Variants in GCNT2 observed in about 807,000 individuals in gnomAD.
GCNT2 encodes the protein N-acetyllactosaminide beta-1,6-N-acetylglucosaminyl-transferase.
Under a neutral mutation model 34.2 loss-of-function variants are expected in GCNT2, and 34 were observed. The ratio of observed to expected loss-of-function variants is 1.00; its 90% CI spans 0.76 to 1.32. The LOEUF (loss-of-function observed/expected upper bound fraction) is 1.32. GCNT2 is among the 40% of genes most tolerant of loss of function. The pLI is 0.00. For missense variants in GCNT2, 584 were observed against 489.4 expected (o/e 1.19, Z -1.82); for synonymous variants, 212 against 188.0 (o/e 1.13, Z -1.04).
At chr6:10,556,716 T>C in intron 3 of GCNT2, 3 of 1,614,224 alleles carry the variant, frequency 1.9e-6, no homozygotes, top group Non-Finnish European at 8.5e-7. Flanking sequence ...TTGGCATATA[T>C]AATGGTCATC....
intron 1 of GCNT2, among the ~76,000 whole-genome samples, chr6:10,525,642 TTC>T (rs1378624555): frequency 3.9e-5 from 6 of 152,202 alleles, no homozygotes; most frequent in Non-Finnish European, 7.4e-5. Flanking sequence ...TTCATATTAA[TTC>T]TTTTTTTAAA....
intron 3 of GCNT2, among the ~76,000 whole-genome samples, chr6:10,588,891 G>GTGTGTGTT (rs1491191814): frequency 8.6e-4 from 22 of 25,690 alleles, no homozygotes; most frequent in African/African-American, 2.8e-3. Context: ...TGTTTGTAGC[G>GTGTGTGTT]TGTGTGTTGT....
chr6:10,559,089 T>TA (rs1762849214), intron 3 of GCNT2, among the ~76,000 whole-genome samples: 1 of 151,098 alleles, frequency 6.6e-6, no homozygotes, highest in African/African-American at 2.4e-5. Context: ...TTTTTTTTTT[T>TA]AGAAAAACAT....
chr6:10,527,704 T>G (rs1382995293), intron 2 of GCNT2, 44 bp downstream of exon 2: 1 of 151,502 alleles, frequency 6.6e-6, no homozygotes, highest in Non-Finnish European at 1.5e-5. Flanking sequence ...GGGTAAGAGA[T>G]ACGTGTGTAT....
Position 10,546,233 on chromosome 6 carries a change from G to A in GCNT2, c.925+16397G>A, listed in dbSNP as rs114902507. On this transcript the variant is annotated intron_variant, in intron 3 of 4. Transcript: ENST00000495262. The stretch of plus-strand genomic sequence containing the variant: ...GATACCTCTGGCTGAGAGCAGCTTT[G>A]TCCATTTTATCTACAGGTTTCAGAC... 9.3e-3 allele frequency among the ~76,000 whole-genome samples: 1,413 copies of A among 152,274 alleles called. 20 individuals carry two copies. The highest frequency in any genetic ancestry group is 0.032 in the African/African-American group (1,342 of 41,540).
chr6:10,577,321 C>G (rs1429632409), intron 3 of GCNT2, among the ~76,000 whole-genome samples: 3 of 152,210 alleles, frequency 2.0e-5, no homozygotes, highest in Non-Finnish European at 2.9e-5. Flanking sequence ...GTTGCCTCCT[C>G]TCATCCCAGG....
chr6:10,528,356 A>C (rs540307149), intron 2 of GCNT2: 11 of 163,274 alleles, frequency 6.7e-5, no homozygotes, highest in Non-Finnish European at 1.2e-4. Context: ...TATTGATAGA[A>C]TATCTCTCCA....
chr6:10,564,154 G>A (rs929383686), intron 3 of GCNT2, among the ~76,000 whole-genome samples: 3 of 152,084 alleles, frequency 2.0e-5, no homozygotes, highest in African/African-American at 7.2e-5. Flanking sequence ...TGTGCCTATG[G>A]GTTTAGAGTA....
Position 10,555,653 on chromosome 6 carries a change from CAG to C in GCNT2, c.925+25820_925+25821del, listed in dbSNP as rs534466282. Reference sequence around the variant, plus strand: ...GAAGTGAGAGGAGAGGGGTTCGTTTCAGAGTCAGGAGCCCAAGGCGCCCCAGC... The same window carrying C: ...GAAGTGAGAGGAGAGGGGTTCGTTTCAGTCAGGAGCCCAAGGCGCCCCAGC... On this transcript the variant is annotated intron_variant, in intron 3 of 4. Transcript: ENST00000495262. 471 of 738,804 alleles carry C rather than the reference CAG, an allele frequency of 6.4e-4. 1 individual carries two copies. In the African/African-American group the frequency reaches 8.1e-3, roughly 13 times the overall value. 45.8% of individuals were successfully genotyped at this position (738,804 alleles called of 1,614,324 possible). A position where few individuals can be genotyped will look rare whatever the true frequency, so the allele number is the denominator to read the frequency against.
chr6:10,555,693 C>T (rs1762666750), intron 3 of GCNT2: 3 of 982,540 alleles, frequency 3.1e-6, no homozygotes, highest in South Asian at 4.7e-5. Flanking sequence ...TTTCAGACCC[C>T]CTGGGACAGG....
At chr6:10,583,810 T>G (rs1009960059) in intron 3 of GCNT2, among the ~76,000 whole-genome samples, 1 of 152,158 alleles carries the variant, frequency 6.6e-6, no homozygotes, top group Admixed American at 6.5e-5. Flanking sequence ...CTCCACATAT[T>G]GTAGATAATA....
intron 3 of GCNT2, among the ~76,000 whole-genome samples, chr6:10,568,140 C>T (rs1763369351): frequency 6.6e-6 from 1 of 152,128 alleles, no homozygotes; most frequent in Non-Finnish European, 1.5e-5. Context: ...TTTACATCTG[C>T]AGTTTCTCAC....
intron 1 of GCNT2, among the ~76,000 whole-genome samples, chr6:10,524,979 A>AC (rs201675940): frequency 0.01 from 1,556 of 151,506 alleles, 26 homozygotes; most frequent in African/African-American, 0.035. Context: ...CCATCGGCCC[A>AC]CCCCCCCGGT....
At chr6:10,617,718 G>C (rs1245712925) in intron 3 of GCNT2, among the ~76,000 whole-genome samples, 4 of 150,434 alleles carry the variant, frequency 2.7e-5, no homozygotes, top group Admixed American at 6.6e-5. Flanking sequence ...ACAGGCATGG[G>C]CCACTGCACC....
At chr6:10,555,512 C>T (rs1762656438) in intron 3 of GCNT2, among the ~76,000 whole-genome samples, 1 of 152,164 alleles carries the variant, frequency 6.6e-6, no homozygotes, top group Non-Finnish European at 1.5e-5. Context: ...TCATTTGTGA[C>T]CAAGATTCAA....
intron 3 of GCNT2, among the ~76,000 whole-genome samples, chr6:10,572,326 G>T (rs1244486025): frequency 6.6e-6 from 1 of 152,182 alleles, no homozygotes; most frequent in Non-Finnish European, 1.5e-5. Flanking sequence ...TATTAGCCCT[G>T]AAGACCCCAA....
chr6:10,616,602 T>C (rs753508798), intron 3 of GCNT2, among the ~76,000 whole-genome samples: 5 of 152,100 alleles, frequency 3.3e-5, no homozygotes, highest in Non-Finnish European at 7.4e-5. Flanking sequence ...AGAGTGCCGA[T>C]TGCTGCATTC....
intron 3 of GCNT2, among the ~76,000 whole-genome samples, chr6:10,531,872 C>T (rs1009618253): frequency 1.7e-5 from 2 of 114,476 alleles, no homozygotes; most frequent in African/African-American, 5.9e-5. Flanking sequence ...GGCCAATCCC[C>T]ACTTTTTTTT....
At position 10,627,969 on chromosome 6, in the gene GCNT2, T is replaced by G. The variant is rs768579867; in HGVS notation, c.*1362T>G. 20 of 152,592 alleles carry G rather than the reference T, an allele frequency of 1.3e-4. No homozygotes were observed. Among genetic ancestry groups the G allele is most frequent in the Non-Finnish European group, 2.2e-4 (15 of 68,024 alleles). The allele number at this position is 152,592 out of a possible 1,614,324, so 9.5% of individuals were successfully genotyped here. ...TTTCATTCAAACCTCACAACAGTCT[T>G]GTGAGGCCCTTATATAATTACTCCC... On this transcript the variant is annotated 3_prime_UTR_variant, in exon 5 of 5. Transcript: ENST00000495262.
Sources: gnomAD v4.1 joint callset for allele counts (sites outside exome capture counted in the v4.1 genomes callset) on GRCh38, gnomAD v4.1.1 for gene constraint, MANE v1.5 for transcripts, NCBI Gene and HGNC (gene_info 2026-07-23, HGNC 2026-07-21) for gene names.